The following GCC2 variants were observed in gnomAD, a reference collection of about 807,000 sequenced individuals.
GCC2 encodes GRIP and coiled-coil domain-containing protein 2.
A neutral mutation model predicts 210.6 loss-of-function variants in GCC2; 120 were observed. The ratio of observed to expected loss-of-function variants is 0.57; its 90% CI spans 0.49 to 0.66. GCC2 has a LOEUF of 0.66. Ranked by LOEUF, GCC2 falls within the 30% of genes least tolerant of loss-of-function variation. GCC2 has a pLI of 0.00. For missense variants in GCC2, 1,868 were observed against 1,871.9 expected (o/e 1.00, Z 0.04); for synonymous variants, 703 against 652.7 (o/e 1.08, Z -1.17).
chr2:108,455,960 A>C (rs1680252096), intron 4 of GCC2, among the ~76,000 whole-genome samples: 1 of 151,990 alleles, frequency 6.6e-6, no homozygotes, highest in African/African-American at 2.4e-5. Context: ...TGGTAGCTCT[A>C]TTTTTAGTTT....
chr2:108,476,319 A>G (rs896345806), intron 9 of GCC2, among the ~76,000 whole-genome samples: 3 of 152,046 alleles, frequency 2.0e-5, no homozygotes, highest in African/African-American at 7.2e-5. Context: ...CGGCCTCCCA[A>G]AGTGCTGGGA....
intron 20 of GCC2, chr2:108,495,970 A>G (rs1682630638): frequency 6.5e-6 from 1 of 153,850 alleles, no homozygotes; most frequent in African/African-American, 2.4e-5. Flanking sequence ...CCCTTTGGCA[A>G]CACCCTCACA....
intron 21 of GCC2, among the ~76,000 whole-genome samples, chr2:108,497,408 A>T (rs1682701369): frequency 6.6e-6 from 1 of 152,164 alleles, no homozygotes; most frequent in East Asian, 1.9e-4. Context: ...GAGCCACTGC[A>T]TCCAGCCAAA....
At position 108,493,722 on chromosome 2, in the gene GCC2, C is replaced by A. The variant is rs2917994; in HGVS notation, c.4447+932C>A. 137 of 985,316 alleles carry A rather than the reference C, an allele frequency of 1.4e-4. No individual in the cohort carries two copies. In the Middle Eastern group the frequency reaches 1.6e-3, roughly 11 times the overall value. The allele number at this position is 985,316 out of a possible 1,614,324, so 61.0% of individuals were successfully genotyped here. A position where few individuals can be genotyped will look rare whatever the true frequency, so the allele number is the denominator to read the frequency against. Reference sequence around the variant, plus strand: ...GAAATATTGTCACTGGAGCATTAGCCGCTATCGGTCACTTATTAGGGTAAA... The same window carrying A: ...GAAATATTGTCACTGGAGCATTAGCAGCTATCGGTCACTTATTAGGGTAAA... On this transcript the variant is annotated intron_variant, in intron 19 of 22. Transcript: ENST00000309863.
rs1558741151 is a variant in GCC2 at position 108,471,660 on chromosome 2, A to G, written c.2331A>G (p.Lys777=). ...AAGTTTCAGAAGACAGTGAAGAGAA[A>G]GATGTTGTTAATGTCCTACAGGCAG... ...GSEVSEDSEE[K]DVVNVLQAVG... The change falls in exon 6 of 23, where the codon AAA becomes AAG. Residue 777 remains lysine, a synonymous_variant. Coordinates refer to ENST00000309863, the MANE Select transcript of GCC2 (RefSeq NM_181453.4). 3 of 1,613,498 alleles carry G rather than the reference A, an allele frequency of 1.9e-6. No individual in the cohort carries two copies. The highest frequency in any genetic ancestry group is 1.1e-5 in the South Asian group (1 of 91,050).
At chr2:108,465,581 C>G (rs1680838942) in intron 4 of GCC2, among the ~76,000 whole-genome samples, 1 of 152,136 alleles carries the variant, frequency 6.6e-6, no homozygotes, top group Non-Finnish European at 1.5e-5. Flanking sequence ...TTAGCTCCTA[C>G]TTACAAGTGG....
rs748339477 is a variant in GCC2, at chr2:108,470,126, A to G, written c.797A>G (p.His266Arg). The change falls in exon 6 of 23, where the codon CAT becomes CGT. Residue 266 changes from histidine to arginine, a missense_variant. His to Arg is a conservative substitution (Grantham distance 29). Around this residue, in one of 3 missense-constraint regions of GCC2, gnomAD observed 1,847 missense variants for 1,765.2 expected, o/e 1.05. Coordinates refer to ENST00000309863, the MANE Select transcript of GCC2 (RefSeq NM_181453.4). ...MCQIEASAKE[H>R]EAEINKLNEL... is the part of the protein sequence containing the mutation. ...CAGATTGAAGCATCAGCTAAGGAAC[A>G]TGAAGCAGAGATAAATAAGTTGAAC... 2 of 1,613,838 alleles carry G rather than the reference A, an allele frequency of 1.2e-6. No homozygotes were observed. Among genetic ancestry groups the G allele is most frequent in the Non-Finnish European group, 1.7e-6 (2 of 1,179,862 alleles).
At chr2:108,507,507 A>G in intron 22 of GCC2, 53 bp from the exon 23 acceptor site, 2 of 1,369,048 alleles carry the variant, frequency 1.5e-6, no homozygotes, top group Non-Finnish European at 2.0e-6. Flanking sequence ...AGAAATTTTA[A>G]TACTCTCTTT....
At chr2:108,480,485 G>T (rs1310179347) in intron 9 of GCC2, among the ~76,000 whole-genome samples, 1 of 152,134 alleles carries the variant, frequency 6.6e-6, no homozygotes, top group African/African-American at 2.4e-5. Context: ...TGATAGCAAA[G>T]ACGTGGAATC....
chr2:108,490,277 C>T, intron 18 of GCC2: 1 of 302,828 alleles, frequency 3.3e-6, no homozygotes, highest in Non-Finnish European at 6.0e-6. Context: ...GGATGTTTCT[C>T]TAAAAAAACA....
At chr2:108,454,112 TCC>T (rs1680112366) in intron 4 of GCC2, among the ~76,000 whole-genome samples, 1 of 152,154 alleles carries the variant, frequency 6.6e-6, no homozygotes, top group Non-Finnish European at 1.5e-5. Flanking sequence ...TGCCTCAGCC[TCC>T]CAAGTAGCTG....
intron 4 of GCC2, among the ~76,000 whole-genome samples, chr2:108,465,905 G>C (rs917463857): frequency 1.3e-4 from 19 of 151,854 alleles, no homozygotes; most frequent in African/African-American, 4.4e-4. Context: ...CCCAGGCCGG[G>C]GTGCAGTGGC....
intron 18 of GCC2, among the ~76,000 whole-genome samples, chr2:108,491,001 C>T (rs1287539638): frequency 2.0e-5 from 3 of 152,116 alleles, no homozygotes; most frequent in African/African-American, 7.2e-5. Flanking sequence ...ATATTAAAAA[C>T]TAATGGTATT....
chr2:108,475,174 T>C (rs1214907014), intron 7 of GCC2: 1 of 160,654 alleles, frequency 6.2e-6, no homozygotes, highest in Non-Finnish European at 1.4e-5. Flanking sequence ...GATCTGCATC[T>C]GATATCTCTG....
At chr2:108,462,104 T>C (rs1443272720) in intron 4 of GCC2, among the ~76,000 whole-genome samples, 1 of 147,968 alleles carries the variant, frequency 6.8e-6, no homozygotes, top group African/African-American at 2.5e-5. Context: ...CCCAAAGTGC[T>C]GGGATTACAG....
chr2:108,495,491 T>C lies in GCC2; in HGVS notation c.4642+6T>C. ...CTCTCCCGAAACTAAACTTGGTATGTTACTCTGTCTAAATATGTTTTTCTT... is the reference window on the plus strand; with the variant it reads ...CTCTCCCGAAACTAAACTTGGTATGCTACTCTGTCTAAATATGTTTTTCTT... On this transcript the variant is annotated splice_donor_region_variant and intron_variant, in intron 20 of 22. Coordinates refer to ENST00000309863, the MANE Select transcript of GCC2 (RefSeq NM_181453.4). The C allele has an allele frequency of 1.9e-6, 3 of 1,564,060 alleles. No individual in the cohort carries two copies. The highest frequency in any genetic ancestry group is 2.6e-6 in the Non-Finnish European group (3 of 1,152,786).
intron 21 of GCC2, among the ~76,000 whole-genome samples, chr2:108,498,218 T>TA (rs1340113302): frequency 5.2e-5 from 6 of 115,340 alleles, no homozygotes; most frequent in Non-Finnish European, 8.4e-5. Context: ...TTTTTTGAGA[T>TA]AGAGTCTCGC....
chr2:108,483,180 C>G lies in GCC2; in HGVS notation c.3450+14C>G. 8.4e-7 allele frequency: 1 copy of G among 1,193,968 alleles called. No individual in the cohort carries two copies. The allele number at this position is 1,193,968 out of a possible 1,614,324, so 74.0% of individuals were successfully genotyped here. A position where few individuals can be genotyped will look rare whatever the true frequency, so the allele number is the denominator to read the frequency against. ...CTGGTTAAAAAGGTAAAATAAAACA[C>G]TAGGATCAAAATTGATGTAATATTC... On this transcript the variant is annotated intron_variant, in intron 12 of 22. Transcript: ENST00000309863.
rs1681861135 is a variant in GCC2 at position 108,481,737 on chromosome 2, A to T, written c.3101A>T (p.Asp1034Val). 1 of 1,601,896 alleles carries T rather than the reference A, an allele frequency of 6.2e-7. No homozygotes were observed. Among genetic ancestry groups the T allele is most frequent in the Non-Finnish European group, 8.5e-7 (1 of 1,171,734 alleles). Residue 1034 changes from aspartate (D) to valine (V), a missense_variant, in exon 10 of 23, where the codon GAT becomes GTT. This residue lies in a region of GCC2 where 1,847 missense variants were observed against 1,765.2 expected (regional missense o/e 1.05). Transcript: ENST00000309863. ...LEYEKQSEQL[D>V]VEKERANNFE... Reference sequence around the variant, plus strand: ...TATGAAAAGCAGTCAGAGCAACTGGATGTGGAAAAAGAACGTGCTAATAAT... The same window carrying T: ...TATGAAAAGCAGTCAGAGCAACTGGTTGTGGAAAAAGAACGTGCTAATAAT...
Sources: gnomAD v4.1 joint callset for allele counts (sites outside exome capture counted in the v4.1 genomes callset) on GRCh38, gnomAD v4.1.1 for gene constraint, gnomAD v4.1.1 regional missense constraint, MANE v1.5 for transcripts, NCBI Gene and HGNC (gene_info 2026-07-23, HGNC 2026-07-21) for gene names.